RGL4: variants seen among roughly 807,000 people sequenced by gnomAD.
The protein encoded by RGL4 is ral guanine nucleotide dissociation stimulator like 4, also known as ral-GDS-related protein.
In RGL4, 41 loss-of-function variants were observed where a neutral mutation model predicts 49.6. The ratio of observed to expected loss-of-function variants is 0.83; its 90% CI spans 0.64 to 1.07. The LOEUF (loss-of-function observed/expected upper bound fraction) is 1.07, where lower values mean the gene tolerates loss of function less well. Ranked by LOEUF, RGL4 falls within the 50% of genes least tolerant of loss-of-function variation. The pLI is 0.00. For synonymous variants in RGL4, 255 were observed against 238.0 expected, an observed-to-expected ratio of 1.07 and a Z score of -0.66; for missense variants, 610 against 591.9, an observed-to-expected ratio of 1.03 and a Z score of -0.32.
At chr22:23,692,298 G>C in intron 1 of RGL4, 37 bp from the exon 2 acceptor site, 1 of 1,610,544 alleles carries the variant, frequency 6.2e-7, no homozygotes, top group Non-Finnish European at 8.5e-7. Context: ...GTGGGAGAAG[G>C]CCAGGCCTCT....
rs1255238980 is a variant in RGL4 at position 23,698,349 on chromosome 22, A to C, written c.1382+16A>C. On this transcript the variant is annotated intron_variant, in intron 10 of 10. Transcript: ENST00000290691. ...ACAAAGAGAGGTGAGGGCCTAGCCC[A>C]TGGGCTGAGGGTGGGAGAAGGCTCT... 1 of 1,595,174 alleles carries C rather than the reference A, an allele frequency of 6.3e-7. No individual in the cohort carries two copies.
rs113818287 is a variant in RGL4, at chr22:23,692,861, A to G, written c.566A>G (p.Glu189Gly). The G allele has an allele frequency of 6.2e-7, 1 of 1,613,616 alleles. No homozygotes were observed. Among genetic ancestry groups the G allele is most frequent in the Non-Finnish European group, 8.5e-7 (1 of 1,179,980 alleles). Residue 189 changes from glutamate to glycine, a missense_variant, in exon 3 of 11, where the codon GAG becomes GGG. By Grantham distance (98) the Glu-to-Gly change is moderately conservative (BLOSUM62 -2). Coordinates refer to ENST00000290691, the MANE Select transcript of RGL4 (RefSeq NM_153615.2). The stretch of plus-strand genomic sequence containing the variant: ...GGGCCCCCTCCAGGGACAGTGCTGG[A>G]GCCACAGTCAGCCCCAGAGTCCTCC... ...GEGPPPGTVL[E>G]PQSAPESSCP...
chr22:23,694,962 A>G lies in RGL4; in HGVS notation c.1029A>G (p.Lys343=), dbSNP rs1320880435. 6.2e-7 allele frequency: 1 copy of G among 1,613,408 alleles called. No individual in the cohort carries two copies. ...TWAGVSSKSM[K]ELKELCKKDT... is the part of the protein sequence containing the mutation. ...CCTCTGCCCATAGCAAAAGCATGAA[A>G]GAGCTAAAAGAACTCTGCAAAAAAG... Residue 343 remains lysine, a synonymous_variant, in exon 6 of 11, where the codon AAA becomes AAG. Coordinates refer to ENST00000290691, the MANE Select transcript of RGL4 (RefSeq NM_153615.2).
chr22:23,697,762 G>A lies in RGL4; in HGVS notation c.1237-76G>A, dbSNP rs981605224. On this transcript the variant is annotated intron_variant, in intron 8 of 10. Coordinates refer to ENST00000290691, the MANE Select transcript of RGL4 (RefSeq NM_153615.2). ...CCTGACCCTGGTGGCCCTGGCAGTA[G>A]TGCAGCATGGGAAGGGGTGGGGTGG... 1.2e-5 allele frequency: 18 copies of A among 1,503,648 alleles called. No homozygotes were observed. In the Admixed American group the frequency reaches 2.5e-4, roughly 21 times the overall value. The allele number at this position is 1,503,648 out of a possible 1,614,324, so 93.1% of individuals were successfully genotyped here. A position where few individuals can be genotyped will look rare whatever the true frequency, so the allele number is the denominator to read the frequency against.
At chr22:23,698,638 C>T (rs551508627) in intron 10 of RGL4, 8 of 746,796 alleles carry the variant, frequency 1.1e-5, no homozygotes, top group African/African-American at 8.6e-5. Context: ...AAAGTACTGA[C>T]GTTACAGGTG....
chr22:23,698,981 C>T lies in RGL4; in HGVS notation c.*98C>T. On this transcript the variant is annotated 3_prime_UTR_variant, in exon 11 of 11. Transcript: ENST00000290691. ...ACCCAGACCGTAGACACCAGGGAACCACATCTAGGAGGCTGGCAGCTCAGC... is the reference window on the plus strand; with the variant it reads ...ACCCAGACCGTAGACACCAGGGAACTACATCTAGGAGGCTGGCAGCTCAGC... 1 of 1,564,480 alleles carries T rather than the reference C, an allele frequency of 6.4e-7. No individual in the cohort carries two copies. The highest frequency in any genetic ancestry group is 8.7e-7 in the Non-Finnish European group (1 of 1,154,094).
chr22:23,693,700 T>G, intron 3 of RGL4, 59 bp from the exon 4 acceptor site: 4 of 1,359,850 alleles, frequency 2.9e-6, no homozygotes, highest in Non-Finnish European at 4.2e-6. Flanking sequence ...TGCCTGGGAC[T>G]GTGGGTGACT....
At chr22:23,697,997 G>C (rs1923622424) in intron 9 of RGL4, 136 bp downstream of exon 9, 1 of 1,226,024 alleles carries the variant, frequency 8.2e-7, no homozygotes, top group Admixed American at 2.1e-5. Context: ...AGGAGGAGGG[G>C]ACCTATCCCA....
Position 23,698,239 on chromosome 22 carries a change from C to T in RGL4, c.1288C>T (p.Leu430=). ...KEVRVLQEMQ[L]LQVAAMNYRL... is the part of the protein sequence containing the mutation. The stretch of plus-strand genomic sequence containing the variant: ...GGTCCGAGTTCTGCAGGAAATGCAG[C>T]TGCTCCAAGTGGCTGCCATGAATTA... The change falls in exon 10 of 11, where the codon CTG becomes TTG. Residue 430 remains leucine, a synonymous_variant. Transcript: ENST00000290691. The T allele has an allele frequency of 1.2e-6, 2 of 1,609,426 alleles. No homozygotes were observed. The highest frequency in any genetic ancestry group is 1.7e-6 in the Non-Finnish European group (2 of 1,176,194).
intron 4 of RGL4, 130 bp downstream of exon 4, chr22:23,694,104 C>A: frequency 1.2e-6 from 1 of 849,232 alleles, no homozygotes; most frequent in Non-Finnish European, 1.9e-6. Flanking sequence ...CTCTTCTTGC[C>A]AGAGCTTCAC....
intron 3 of RGL4, 77 bp downstream of exon 3, chr22:23,693,068 T>C: frequency 1.3e-6 from 2 of 1,489,452 alleles, no homozygotes; most frequent in Non-Finnish European, 1.8e-6. Context: ...GAGCAGCCAA[T>C]GCCCTCGGTC....
At chr22:23,694,034 T>C (rs1923323848) in intron 4 of RGL4, 60 bp downstream of exon 4, 11 of 1,456,774 alleles carry the variant, frequency 7.6e-6, no homozygotes, top group Non-Finnish European at 9.6e-6. Context: ...CCTCTTCTCC[T>C]CCATCGGCTT....
At position 23,694,447 on chromosome 22, in the gene RGL4, C is replaced by T. The variant is rs1196617599; in HGVS notation, c.1013C>T (p.Ser338Phe). ...CTACACAAGACGTGGGCAGGAGTGT[C>T]CAGGTGAGGAGGGCTCTCTCCATGG... ...GQLHKTWAGV[S>F]SKSMKELKEL... The change falls in exon 5 of 11, where the codon TCC becomes TTC. Residue 338 changes from serine to phenylalanine, a missense_variant. Transcript: ENST00000290691. 6.2e-7 allele frequency: 1 copy of T among 1,609,058 alleles called. No homozygotes were observed. The highest frequency in any genetic ancestry group is 8.5e-7 in the Non-Finnish European group (1 of 1,175,668).
chr22:23,694,985 A>C lies in RGL4; in HGVS notation c.1052A>C (p.Lys351Thr), dbSNP rs767183049. The C allele has an allele frequency of 1.1e-5, 18 of 1,613,628 alleles. No individual in the cohort carries two copies. Among genetic ancestry groups the C allele is most frequent in the Middle Eastern group, 3.3e-4 (2 of 6,056 alleles). The stretch of plus-strand genomic sequence containing the variant: ...AAAGAGCTAAAAGAACTCTGCAAAA[A>C]AGACACTGCAGTGAAGAGGGACCTA... Reference protein sequence around the residue: ...SMKELKELCKKDTAVKRDLLI... With the variant: ...SMKELKELCKTDTAVKRDLLI... Residue 351 changes from lysine to threonine, a missense_variant, in exon 6 of 11, where the codon AAA (lysine) becomes ACA (threonine). Lys to Thr is a moderately conservative substitution (Grantham distance 78, BLOSUM62 -1). Coordinates refer to ENST00000290691, the MANE Select transcript of RGL4 (RefSeq NM_153615.2).
Position 23,697,051 on chromosome 22 carries a change from G to T in RGL4, c.1162-120G>T, listed in dbSNP as rs1277066710. The T allele has an allele frequency of 5.1e-6, 4 of 778,526 alleles. No homozygotes were observed. In the African/African-American group the frequency reaches 5.2e-5, roughly 10 times the overall value. The allele number at this position is 778,526 out of a possible 1,614,324, so 48.2% of individuals were successfully genotyped here. Reference sequence around the variant, plus strand: ...GGCTGCTCCAACCGGGAGACCTGAGGAGGGGGCTCTGGGAGACAGGGGCTG... The same window carrying T: ...GGCTGCTCCAACCGGGAGACCTGAGTAGGGGGCTCTGGGAGACAGGGGCTG... On this transcript the variant is annotated intron_variant, in intron 7 of 10. Coordinates refer to ENST00000290691, the MANE Select transcript of RGL4 (RefSeq NM_153615.2).
chr22:23,696,310 T>C, intron 6 of RGL4: 3 of 1,314,210 alleles, frequency 2.3e-6, no homozygotes, highest in Non-Finnish European at 3.0e-6. Context: ...AGGGTGCTCG[T>C]GCCTGGTTCT....
rs1923146054 is a variant in RGL4, at chr22:23,691,694, T to C, written c.-337T>C. ...GCAACAAATATAAACTGGGTGGATTTAGGGTTCTGAAGGGCCTTTTCACCC... is the reference window on the plus strand; with the variant it reads ...GCAACAAATATAAACTGGGTGGATTCAGGGTTCTGAAGGGCCTTTTCACCC... On this transcript the variant is annotated 5_prime_UTR_variant, in exon 1 of 11. Transcript: ENST00000290691. 1 of 252,878 alleles carries C rather than the reference T, an allele frequency of 4.0e-6. No individual in the cohort carries two copies. Among genetic ancestry groups the C allele is most frequent in the Non-Finnish European group, 7.8e-6 (1 of 128,438 alleles). 15.7% of individuals were successfully genotyped at this position (252,878 alleles called of 1,614,324 possible). A position where few individuals can be genotyped will look rare whatever the true frequency, so the allele number is the denominator to read the frequency against.
Position 23,693,943 on chromosome 22 carries a change from G to GCCCTCTGTCCC in RGL4, c.881_882insCCCTCTGTCCC (p.Arg294SerfsTer18). The stretch of plus-strand genomic sequence containing the variant: ...AGCATGAGGGCCCGGGACAGGGCCA[G>GCCCTCTGTCCC]GGTGGTGGAGCACTGGATCAAGGTG... On this transcript the variant is annotated frameshift_variant, in exon 4 of 11. Coordinates refer to ENST00000290691, the MANE Select transcript of RGL4 (RefSeq NM_153615.2). LOFTEE classifies it high-confidence loss of function. The GCCCTCTGTCCC allele has an allele frequency of 6.2e-7, 1 of 1,613,674 alleles. No individual in the cohort carries two copies. Among genetic ancestry groups the GCCCTCTGTCCC allele is most frequent in the Non-Finnish European group, 8.5e-7 (1 of 1,180,018 alleles).
chr22:23,692,153 T>C lies in RGL4; in HGVS notation c.123T>C (p.Cys41=). ...VCGTPGRTRV[C]TALLYGQVCP... ...GGACGCCAGGGCGCACGAGGGTCTG[T>C]ACAGCCCTGCTGTATGGCCAGGTCT... Residue 41 remains cysteine (C), a synonymous_variant, in exon 1 of 11, where the codon TGT becomes TGC. Transcript: ENST00000290691. 1.9e-6 allele frequency: 3 copies of C among 1,614,206 alleles called. No individual in the cohort carries two copies. The highest frequency in any genetic ancestry group is 2.5e-6 in the Non-Finnish European group (3 of 1,180,038).
Sources: allele counts gnomAD v4.1 joint callset, GRCh38; gene constraint gnomAD v4.1.1; transcripts MANE v1.5; gene names NCBI Gene and HGNC (gene_info 2026-07-23, HGNC 2026-07-21).